Variants in TSGA10 observed in about 807,000 individuals in gnomAD.
TSGA10 encodes the protein testis-specific gene 10 protein.
TSGA10 carries 43 observed loss-of-function variants against 96.6 expected under a neutral mutation model. The observed-to-expected ratio is 0.44, with a 90% CI of 0.35 to 0.57. TSGA10 has a LOEUF of 0.57. TSGA10 is among the 20% of genes least tolerant of loss of function. TSGA10 has a pLI of 0.01. For missense variants in TSGA10, 703 were observed against 834.4 expected (o/e 0.84, Z 1.94); for synonymous variants, 229 against 269.9 (o/e 0.85, Z 1.48).
At chr2:99,048,834 G>C (rs948153434) in intron 16 of TSGA10, among the ~76,000 whole-genome samples, 1 of 152,010 alleles carries the variant, frequency 6.6e-6, no homozygotes, top group Admixed American at 6.6e-5. Flanking sequence ...CTATTCATCT[G>C]ACAAAGGGCT....
chr2:99,039,919 A>G (rs1245209199), intron 16 of TSGA10, among the ~76,000 whole-genome samples: 1 of 152,194 alleles, frequency 6.6e-6, no homozygotes, highest in Non-Finnish European at 1.5e-5. Flanking sequence ...AAGATAATAC[A>G]TCATGATCAA....
At chr2:99,043,080 AG>A (rs2082362233) in intron 16 of TSGA10, among the ~76,000 whole-genome samples, 3 of 152,196 alleles carry the variant, frequency 2.0e-5, no homozygotes, top group Admixed American at 2.0e-4. Flanking sequence ...ACTTCAAAGT[AG>A]GCATTAAAAA....
intron 10 of TSGA10, chr2:99,102,014 G>C (rs2090813112): frequency 1.6e-6 from 2 of 1,258,332 alleles, no homozygotes; most frequent in South Asian, 2.4e-5. Flanking sequence ...TTAAAATTTT[G>C]TTAACAGAAT....
At chr2:99,002,606 T>C (rs1370872788) in intron 20 of TSGA10, among the ~76,000 whole-genome samples, 1 of 152,144 alleles carries the variant, frequency 6.6e-6, no homozygotes, top group Non-Finnish European at 1.5e-5. Flanking sequence ...GCTAACAACA[T>C]AATGACAGGA....
chr2:99,076,393 TATAAA>T (rs201940541), intron 12 of TSGA10, among the ~76,000 whole-genome samples: 1,637 of 152,280 alleles, frequency 0.011, 9 homozygotes, highest in Middle Eastern at 0.027. Context: ...GAATATTTGT[TATAAA>T]ATAAAGACCT....
intron 6 of TSGA10, 34 bp from the exon 7 acceptor site, chr2:99,109,025 G>T: frequency 6.8e-7 from 1 of 1,468,708 alleles, no homozygotes; most frequent in Non-Finnish European, 9.1e-7. Context: ...AATCTTCTTT[G>T]ATATATAGTA....
rs148224475 is a variant in TSGA10, at chr2:99,122,615, CAAAAAAAAAAAAA to C, written c.-491-3942_-491-3930del. Among the ~76,000 whole-genome samples, 197 of 53,282 alleles carry C rather than the reference CAAAAAAAAAAAAA, an allele frequency of 3.7e-3. 1 individual carries two copies. Among genetic ancestry groups the C allele is most frequent in the Non-Finnish European group, 6.6e-3 (176 of 26,724 alleles). The allele number at this position is 53,282 out of a possible 152,430, so 35.0% of individuals were successfully genotyped here. Reference sequence around the variant, plus strand: ...AAACATGGCAAAACTCCATCTCTACCAAAAAAAAAAAAAAAAAAAAAAAAAATCAGCCAACCAT... The same window carrying C: ...AAACATGGCAAAACTCCATCTCTACCAAAAAAAAAAAAATCAGCCAACCAT... On this transcript the variant is annotated intron_variant, in intron 2 of 20. Coordinates refer to ENST00000393483, the MANE Select transcript of TSGA10 (RefSeq NM_025244.4).
At chr2:99,114,763 C>G (rs2092109170) in intron 4 of TSGA10, among the ~76,000 whole-genome samples, 2 of 152,140 alleles carry the variant, frequency 1.3e-5, no homozygotes, top group South Asian at 4.1e-4. Context: ...CTTACTCTCT[C>G]TAGAACATAA....
chr2:99,140,894 G>C (rs1559141945), intron 1 of TSGA10, among the ~76,000 whole-genome samples: 1 of 152,106 alleles, frequency 6.6e-6, no homozygotes, highest in East Asian at 1.9e-4. Context: ...GGGGCAACTC[G>C]TGCTGCCGAG....
At chr2:99,150,576 TA>T (rs1377809209) in intron 1 of TSGA10, 2 of 1,613,482 alleles carry the variant, frequency 1.2e-6, no homozygotes, top group African/African-American at 1.3e-5. Flanking sequence ...TTTCACTTAG[TA>T]AATCTGCTAC....
intron 1 of TSGA10, among the ~76,000 whole-genome samples, chr2:99,132,678 T>C (rs1410042327): frequency 6.6e-6 from 1 of 152,186 alleles, no homozygotes; most frequent in Non-Finnish European, 1.5e-5. Context: ...CTTGCTTCTC[T>C]AGTTCTTTTA....
intron 20 of TSGA10, among the ~76,000 whole-genome samples, chr2:99,004,130 C>T (rs2078247885): frequency 6.6e-6 from 1 of 152,136 alleles, no homozygotes; most frequent in South Asian, 2.1e-4. Context: ...CCACTGATCC[C>T]ACGGAAATGC....
chr2:99,067,536 C>G (rs1177193462), intron 15 of TSGA10, among the ~76,000 whole-genome samples: 2 of 152,168 alleles, frequency 1.3e-5, no homozygotes, highest in Admixed American at 1.3e-4. Context: ...GTGTTTAACA[C>G]TGGCTGAAAG....
intron 4 of TSGA10, among the ~76,000 whole-genome samples, chr2:99,114,772 A>T (rs1269754379): frequency 6.6e-6 from 1 of 152,168 alleles, no homozygotes; most frequent in African/African-American, 2.4e-5. Flanking sequence ...TCTAGAACAT[A>T]AACCCTAACA....
intron 1 of TSGA10, among the ~76,000 whole-genome samples, chr2:99,130,822 G>A (rs905045378): frequency 6.6e-6 from 1 of 152,132 alleles, no homozygotes; most frequent in African/African-American, 2.4e-5. Context: ...AAGGGGTCTA[G>A]TTTCAGTTTT....
rs187697539 is a variant in TSGA10, at chr2:99,093,672, C to A, written c.611+10295G>T. Among the ~76,000 whole-genome samples, 220 of 150,358 alleles carry A rather than the reference C, an allele frequency of 1.5e-3. 7 individuals are homozygous for A. The East Asian group carries it at 0.032, about 22-fold the overall frequency. Reference sequence around the variant, plus strand: ...TTAATAGCTGCAAAGAAAAAAAAAACAACTTGGGAGTATACCTAACCAAGG... The same window carrying A: ...TTAATAGCTGCAAAGAAAAAAAAAAAAACTTGGGAGTATACCTAACCAAGG... On this transcript the variant is annotated intron_variant, in intron 10 of 20. Coordinates refer to ENST00000393483, the MANE Select transcript of TSGA10 (RefSeq NM_025244.4).
At chr2:99,063,999 T>C (rs1423336835) in intron 16 of TSGA10, among the ~76,000 whole-genome samples, 1 of 152,142 alleles carries the variant, frequency 6.6e-6, no homozygotes, top group South Asian at 2.1e-4. Flanking sequence ...AAAAATTGTC[T>C]GACAATATCA....
chr2:99,085,247 A>T (rs2088112344), intron 10 of TSGA10, among the ~76,000 whole-genome samples: 1 of 151,890 alleles, frequency 6.6e-6, no homozygotes, highest in Admixed American at 6.6e-5. Context: ...ACTCCGTCTC[A>T]AAATTAATTA....
intron 10 of TSGA10, among the ~76,000 whole-genome samples, chr2:99,094,586 C>T (rs2089796783): frequency 1.3e-5 from 2 of 152,064 alleles, no homozygotes; most frequent in Non-Finnish European, 1.5e-5. Flanking sequence ...AAAAAGTGGG[C>T]TAAGGACATG....
Sources: allele counts gnomAD v4.1 joint callset (sites outside exome capture counted in the v4.1 genomes callset), GRCh38; gene constraint gnomAD v4.1.1; transcripts MANE v1.5; gene names NCBI Gene and HGNC (gene_info 2026-07-23, HGNC 2026-07-21).